The following SLC4A4 variants were observed in gnomAD, a reference collection of about 807,000 sequenced individuals.
SLC4A4 encodes the protein solute carrier family 4 member 4.
SLC4A4 carries 27 observed loss-of-function variants against 111.5 expected under a neutral mutation model. That is an observed-to-expected ratio of 0.24 (90% CI 0.18 to 0.33). The LOEUF (loss-of-function observed/expected upper bound fraction) is 0.33, where lower values mean the gene tolerates loss of function less well. SLC4A4 is among the 10% of genes least tolerant of loss of function. The pLI, the probability that SLC4A4 is intolerant of heterozygous loss-of-function variation, is 1.00. For synonymous variants in SLC4A4, 443 were observed against 463.4 expected, an observed-to-expected ratio of 0.96 and a Z score of 0.57; for missense variants, 909 against 1,315.5, an observed-to-expected ratio of 0.69 and a Z score of 4.78.
chr4:71,093,880 A>C (rs1742460786), intron 2 of SLC4A4, among the ~76,000 whole-genome samples: 1 of 152,204 alleles, frequency 6.6e-6, no homozygotes, highest in Non-Finnish European at 1.5e-5. Context: ...AAGTAATGAG[A>C]CACCATTTGG....
At chr4:71,435,225 A>C (rs955485972) in intron 7 of SLC4A4, among the ~76,000 whole-genome samples, 1 of 152,196 alleles carries the variant, frequency 6.6e-6, no homozygotes, top group African/African-American at 2.4e-5. Flanking sequence ...AGAACAATGA[A>C]ACAGAACAGA....
chr4:71,139,178 T>TG (rs1179551414), intron 2 of SLC4A4, among the ~76,000 whole-genome samples: 6 of 99,562 alleles, frequency 6.0e-5, no homozygotes, highest in Non-Finnish European at 1.2e-4. Flanking sequence ...TTCCCTTTTC[T>TG]TTGTGTGTGT....
chr4:71,446,805 AT>A (rs1725273644), intron 8 of SLC4A4, among the ~76,000 whole-genome samples: 2 of 152,092 alleles, frequency 1.3e-5, no homozygotes, highest in South Asian at 4.1e-4. Context: ...CCTTTTGTAG[AT>A]TTTTTTGTAA....
intron 21 of SLC4A4, among the ~76,000 whole-genome samples, chr4:71,555,561 T>C (rs1465189072): frequency 1.3e-5 from 2 of 151,950 alleles, no homozygotes. Flanking sequence ...TTAAAGATAG[T>C]GTTTATCCAT....
intron 3 of SLC4A4, among the ~76,000 whole-genome samples, chr4:71,322,391 T>C (rs1727183006): frequency 6.6e-6 from 1 of 151,998 alleles, no homozygotes; most frequent in South Asian, 2.1e-4. Context: ...ATGTCTTCTT[T>C]TGTATGTGAA....
intron 3 of SLC4A4, among the ~76,000 whole-genome samples, chr4:71,295,420 A>C (rs1380116914): frequency 6.6e-6 from 1 of 152,200 alleles, no homozygotes; most frequent in South Asian, 2.1e-4. Context: ...ATATCAACAG[A>C]AGAAATTTTC....
At chr4:71,518,792 C>T (rs1450864180) in intron 16 of SLC4A4, among the ~76,000 whole-genome samples, 1 of 152,174 alleles carries the variant, frequency 6.6e-6, no homozygotes, top group Non-Finnish European at 1.5e-5. Context: ...AGGCCAGGAG[C>T]ATGGGATTGC....
At chr4:71,393,107 C>A (rs1719466339) in intron 6 of SLC4A4, among the ~76,000 whole-genome samples, 2 of 152,066 alleles carry the variant, frequency 1.3e-5, no homozygotes, top group East Asian at 3.9e-4. Context: ...AAACCTGGAA[C>A]AAGACAAGGA....
intron 2 of SLC4A4, among the ~76,000 whole-genome samples, chr4:71,243,605 G>C (rs1487364939): frequency 6.6e-6 from 1 of 152,132 alleles, no homozygotes; most frequent in Non-Finnish European, 1.5e-5. Flanking sequence ...ATAGGTTCAC[G>C]GGAGGTTCCA....
rs1023965841 is a variant in SLC4A4 at position 71,570,965 on chromosome 4, C to A, written c.*3214C>A. 1 of 152,096 alleles carries A rather than the reference C, an allele frequency of 6.6e-6. No individual in the cohort carries two copies. Among genetic ancestry groups the A allele is most frequent in the Non-Finnish European group, 1.5e-5 (1 of 67,800 alleles). The allele number at this position is 152,096 out of a possible 1,614,324, so 9.4% of individuals were successfully genotyped here. A position where few individuals can be genotyped will look rare whatever the true frequency, so the allele number is the denominator to read the frequency against. ...ACTTAAGAAGTAGGAAAACAAAAACCTCTCTCCTCAGCCTTCCACCTCCAA... is the reference window on the plus strand; with the variant it reads ...ACTTAAGAAGTAGGAAAACAAAAACATCTCTCCTCAGCCTTCCACCTCCAA... On this transcript the variant is annotated 3_prime_UTR_variant, in exon 26 of 26. Coordinates refer to ENST00000264485, the MANE Select transcript of SLC4A4 (RefSeq NM_001098484.3).
chr4:71,138,909 G>A (rs1362815061), intron 2 of SLC4A4, among the ~76,000 whole-genome samples: 5 of 151,886 alleles, frequency 3.3e-5, no homozygotes, highest in African/African-American at 9.7e-5. Context: ...GGTGGTGGGC[G>A]CCTGCAGTCC....
intron 7 of SLC4A4, among the ~76,000 whole-genome samples, chr4:71,421,592 C>T (rs562577432): frequency 6.6e-6 from 1 of 152,258 alleles, no homozygotes; most frequent in African/African-American, 2.4e-5. Context: ...GGAAGTAAAG[C>T]TCTCCTCAGC....
chr4:71,447,338 A>G (rs955235939), intron 8 of SLC4A4, among the ~76,000 whole-genome samples: 2 of 152,230 alleles, frequency 1.3e-5, no homozygotes. Context: ...AGAGAAAAAA[A>G]GTTTAAAATA....
intron 7 of SLC4A4, among the ~76,000 whole-genome samples, chr4:71,421,288 A>G (rs917243716): frequency 1.3e-5 from 2 of 152,224 alleles, no homozygotes; most frequent in African/African-American, 2.4e-5. Flanking sequence ...AGAGCTAACT[A>G]TCCTAAATAT....
chr4:71,158,255 T>A (rs1375337084), intron 2 of SLC4A4, among the ~76,000 whole-genome samples: 2 of 151,896 alleles, frequency 1.3e-5, no homozygotes, highest in Non-Finnish European at 2.9e-5. Context: ...ATAAAAAGAT[T>A]TACAAATGTA....
chr4:71,282,961 G>A (rs1578748738), intron 3 of SLC4A4, among the ~76,000 whole-genome samples: 2 of 152,140 alleles, frequency 1.3e-5, no homozygotes, highest in Non-Finnish European at 2.9e-5. Context: ...TTTCCGCAAC[G>A]ATAAAGGGAC....
At chr4:71,072,428 A>G (rs1741692564) in intron 1 of SLC4A4, among the ~76,000 whole-genome samples, 1 of 152,134 alleles carries the variant, frequency 6.6e-6, no homozygotes, top group Non-Finnish European at 1.5e-5. Context: ...TGTTTCATTC[A>G]GCAATTTATC....
chr4:71,358,484 A>G (rs1730482806), intron 6 of SLC4A4, among the ~76,000 whole-genome samples: 2 of 152,310 alleles, frequency 1.3e-5, no homozygotes, highest in East Asian at 1.9e-4. Flanking sequence ...TCTTAGTATT[A>G]AAGGTAACTG....
chr4:71,134,524 T>A (rs949696140), intron 2 of SLC4A4, among the ~76,000 whole-genome samples: 2 of 152,226 alleles, frequency 1.3e-5, no homozygotes, highest in African/African-American at 4.8e-5. Context: ...CAAATCTTGT[T>A]CTAAACTTTG....
Sources: allele counts gnomAD v4.1 joint callset (sites outside exome capture counted in the v4.1 genomes callset), GRCh38; gene constraint gnomAD v4.1.1; transcripts MANE v1.5; gene names NCBI Gene and HGNC (gene_info 2026-07-23, HGNC 2026-07-21).